RPS6KC1: variants seen among roughly 807,000 people sequenced by gnomAD.
RPS6KC1 encodes ribosomal protein S6 kinase C1.
Under a neutral mutation model 103.8 loss-of-function variants are expected in RPS6KC1, and 54 were observed. That is an observed-to-expected ratio of 0.52 (90% CI 0.42 to 0.65). The LOEUF is 0.65. Among genes scored for constraint, RPS6KC1 ranks in the 30% least tolerant of loss-of-function variants. The probability of loss-of-function intolerance (pLI) is 0.00; values close to 1 mark genes in which losing one functional copy is unlikely to be tolerated. For synonymous variants in RPS6KC1, 439 were observed against 438.7 expected (o/e 1.00, Z -0.01); for missense variants, 1,151 against 1,253.8 (o/e 0.92, Z 1.24).
the RPS6KC1 span, among the ~76,000 whole-genome samples, chr1:213,563,418 C>G: frequency 1.3e-5 from 2 of 151,962 alleles, no homozygotes; most frequent in African/African-American, 4.8e-5. Context: ...CTGTCTTTTA[C>G]TTTGGAATTT....
intron 14 of RPS6KC1, among the ~76,000 whole-genome samples, chr1:213,265,037 TTAAGA>T (rs1247181647): frequency 6.6e-6 from 1 of 152,224 alleles, no homozygotes; most frequent in Non-Finnish European, 1.5e-5. Context: ...TTGGTCAGTT[TTAAGA>T]AATTATGTGA....
the RPS6KC1 span, among the ~76,000 whole-genome samples, chr1:213,426,965 A>G: frequency 6.6e-6 from 1 of 152,328 alleles, no homozygotes; most frequent in Admixed American, 6.5e-5. Flanking sequence ...TAGAACTTTG[A>G]GTTATAAATA....
chr1:213,276,607 CATT>C (rs527420189), downstream of RPS6KC1, among the ~76,000 whole-genome samples: 208 of 152,222 alleles, frequency 1.4e-3, no homozygotes, highest in African/African-American at 4.8e-3. Flanking sequence ...GATAAAACAA[CATT>C]ATAGGAAAGG....
intron 4 of RPS6KC1, among the ~76,000 whole-genome samples, chr1:213,108,193 A>G (rs1369386957): frequency 6.6e-6 from 1 of 152,156 alleles, no homozygotes; most frequent in East Asian, 1.9e-4. Context: ...TCCCAAGATC[A>G]TGAAGATTTT....
chr1:213,508,273 A>T, the RPS6KC1 span, among the ~76,000 whole-genome samples: 3 of 152,262 alleles, frequency 2.0e-5, no homozygotes, highest in African/African-American at 7.2e-5. Context: ...AAGCCTGTTC[A>T]AAATGAAAGC....
At chr1:213,057,712 T>A (rs1030112297) in intron 1 of RPS6KC1, among the ~76,000 whole-genome samples, 15 of 151,548 alleles carry the variant, frequency 9.9e-5, no homozygotes, top group African/African-American at 3.6e-4. Flanking sequence ...GTAAATATTT[T>A]CTCCTGATCT....
At chr1:213,624,579 GC>G in the RPS6KC1 span, among the ~76,000 whole-genome samples, 2 of 152,158 alleles carry the variant, frequency 1.3e-5, no homozygotes, top group African/African-American at 4.8e-5. Flanking sequence ...TTCAGTAGTG[GC>G]TAGTCAGGGA....
intron 1 of RPS6KC1, among the ~76,000 whole-genome samples, chr1:213,062,914 G>T (rs1459841393): frequency 6.6e-6 from 1 of 152,178 alleles, no homozygotes; most frequent in Non-Finnish European, 1.5e-5. Context: ...GAAGTAGATA[G>T]AATAAGTTAG....
the RPS6KC1 span, among the ~76,000 whole-genome samples, chr1:213,570,843 A>C: frequency 6.6e-6 from 1 of 152,184 alleles, no homozygotes; most frequent in African/African-American, 2.4e-5. Context: ...TCACCGTGAA[A>C]CCAGCCTAAC....
the RPS6KC1 span, among the ~76,000 whole-genome samples, chr1:213,671,475 A>AACC: frequency 6.6e-6 from 1 of 152,196 alleles, no homozygotes; most frequent in African/African-American, 2.4e-5. Context: ...GGCTACAGGT[A>AACC]AGAACAATGC....
At chr1:213,749,893 T>C in the RPS6KC1 span, among the ~76,000 whole-genome samples, 6 of 152,156 alleles carry the variant, frequency 3.9e-5, no homozygotes, top group African/African-American at 1.4e-4. Context: ...GAGGACTAGA[T>C]CCTGCAGGAA....
chr1:213,322,527 T>C, the RPS6KC1 span, among the ~76,000 whole-genome samples: 5 of 152,214 alleles, frequency 3.3e-5, no homozygotes, highest in East Asian at 9.6e-4. Context: ...TAATTGCTGC[T>C]GTTAACAAAT....
the RPS6KC1 span, among the ~76,000 whole-genome samples, chr1:213,326,418 T>G: frequency 6.6e-6 from 1 of 152,268 alleles, no homozygotes; most frequent in Non-Finnish European, 1.5e-5. Context: ...CTAATCAGCA[T>G]GCAAATGTAT....
chr1:213,696,502 C>CAAA, the RPS6KC1 span, among the ~76,000 whole-genome samples: 16 of 120,934 alleles, frequency 1.3e-4, no homozygotes, highest in African/African-American at 7.2e-4. Flanking sequence ...AACTCCGTCT[C>CAAA]AAAAAAAAAA....
Position 213,241,938 on chromosome 1 carries a change from TTTG to T in RPS6KC1, c.2464_2466del (p.Cys822del). 6.2e-7 allele frequency: 1 copy of T among 1,614,050 alleles called. No homozygotes were observed. The highest frequency in any genetic ancestry group is 8.5e-7 in the Non-Finnish European group (1 of 1,179,970). ...AACACAGAAGAAAGCTTATTCCGTATTTGTAGTCCACTCTCAGGTGCTAATGAA... is the reference window on the plus strand; with the variant it reads ...AACACAGAAGAAAGCTTATTCCGTATTAGTCCACTCTCAGGTGCTAATGAA... On this transcript the variant is annotated inframe_deletion, in exon 11 of 15. Transcript: ENST00000366960.
chr1:213,550,098 C>G, the RPS6KC1 span, among the ~76,000 whole-genome samples: 2 of 152,104 alleles, frequency 1.3e-5, no homozygotes, highest in Non-Finnish European at 2.9e-5. Flanking sequence ...AAATAAACAG[C>G]TCTCATTTAC....
chr1:213,177,969 C>T (rs975436163), intron 8 of RPS6KC1, among the ~76,000 whole-genome samples: 8 of 151,670 alleles, frequency 5.3e-5, no homozygotes, highest in African/African-American at 1.5e-4. Flanking sequence ...TTTGGGAGGC[C>T]GAGGTGGGCA....
the RPS6KC1 span, among the ~76,000 whole-genome samples, chr1:213,833,372 C>T: frequency 6.6e-6 from 1 of 152,194 alleles, no homozygotes; most frequent in African/African-American, 2.4e-5. Flanking sequence ...TACCCTCATT[C>T]TCTCTCCTAG....
chr1:213,096,102 C>G (rs2081425484), intron 3 of RPS6KC1, among the ~76,000 whole-genome samples: 1 of 152,200 alleles, frequency 6.6e-6, no homozygotes, highest in Non-Finnish European at 1.5e-5. Flanking sequence ...ACTGCTTTAT[C>G]AACTAAGTGT....
Sources: gnomAD v4.1 joint callset for allele counts (sites outside exome capture counted in the v4.1 genomes callset) on GRCh38, gnomAD v4.1.1 for gene constraint, MANE v1.5 for transcripts, NCBI Gene and HGNC (gene_info 2026-07-23, HGNC 2026-07-21) for gene names.